The following RNF123 variants were observed in gnomAD, a reference collection of about 807,000 sequenced individuals.
The protein encoded by RNF123 is E3 ubiquitin-protein ligase RNF123.
Under a neutral mutation model 168.5 loss-of-function variants are expected in RNF123, and 86 were observed. That is an observed-to-expected ratio of 0.51 (90% CI 0.43 to 0.61). RNF123 has a LOEUF of 0.61. Among genes scored for constraint, RNF123 ranks in the 20% least tolerant of loss-of-function variants. The probability of loss-of-function intolerance (pLI) is 0.00; values close to 1 mark genes in which losing one functional copy is unlikely to be tolerated. For missense variants in RNF123, 1,419 were observed against 1,729.7 expected (o/e 0.82, Z 3.19); for synonymous variants, 666 against 689.1 (o/e 0.97, Z 0.52).
At chr3:49,691,377 G>A in intron 2 of RNF123, 48 bp from the exon 3 acceptor site, 7 of 1,607,470 alleles carry the variant, frequency 4.4e-6, no homozygotes, top group Non-Finnish European at 6.0e-6. Context: ...GGGGCCAGGA[G>A]CTGCACTGAT....
intron 35 of RNF123, chr3:49,716,691 G>C: frequency 1.9e-6 from 1 of 518,670 alleles, no homozygotes; most frequent in South Asian, 2.2e-5. Flanking sequence ...CAGCAGGACA[G>C]GTGGCCCTGG....
At position 49,716,154 on chromosome 3, in the gene RNF123, G is replaced by C; in HGVS notation, c.3392G>C (p.Arg1131Pro). 6.2e-7 allele frequency: 1 copy of C among 1,613,664 alleles called. No individual in the cohort carries two copies. Among genetic ancestry groups the C allele is most frequent in the Non-Finnish European group, 8.5e-7 (1 of 1,179,908 alleles). ...ACAGCTGAGAGGAACCTGTTTGATC[G>C]TGTGGTCACCCTACGGCTGCCTGGT... Reference protein sequence around the residue: ...RVTAERNLFDRVVTLRLPGLE... With the variant: ...RVTAERNLFDPVVTLRLPGLE... The change falls in exon 34 of 39, where the codon CGT becomes CCT. Residue 1131 changes from arginine to proline, a missense_variant. By Grantham distance (103) the Arg-to-Pro change is moderately radical. This residue lies in a region of RNF123 where 538 missense variants were observed against 708.8 expected (regional missense o/e 0.76). Coordinates refer to ENST00000327697, the MANE Select transcript of RNF123 (RefSeq NM_022064.5).
intron 1 of RNF123, among the ~76,000 whole-genome samples, chr3:49,690,582 G>A (rs2108169985): frequency 6.6e-6 from 1 of 152,366 alleles, no homozygotes; most frequent in East Asian, 1.9e-4. Context: ...AGTGGGAATG[G>A]TGAAACTATC....
intron 21 of RNF123, 70 bp downstream of exon 21, chr3:49,703,598 C>A: frequency 1.5e-6 from 2 of 1,295,854 alleles, no homozygotes; most frequent in Non-Finnish European, 2.2e-6. Context: ...GCCTGCTCTG[C>A]TGTGGATGCT....
At chr3:49,705,909 C>G in intron 24 of RNF123, 73 bp from the exon 25 acceptor site, 1 of 1,543,336 alleles carries the variant, frequency 6.5e-7, no homozygotes, top group Non-Finnish European at 8.9e-7. Flanking sequence ...GGGCTGGGGT[C>G]CAGACTGGGT....
At chr3:49,710,817 G>T (rs540478992) in intron 26 of RNF123, among the ~76,000 whole-genome samples, 1 of 152,290 alleles carries the variant, frequency 6.6e-6, no homozygotes, top group African/African-American at 2.4e-5. Flanking sequence ...TTGGTCTGAG[G>T]GAGGGAGGGA....
At chr3:49,690,234 ATATG>A (rs1315557588) in intron 1 of RNF123, among the ~76,000 whole-genome samples, 1 of 152,240 alleles carries the variant, frequency 6.6e-6, no homozygotes, top group Non-Finnish European at 1.5e-5. Flanking sequence ...ATAGAACTTT[ATATG>A]ATGGTGGGAA....
intron 26 of RNF123, among the ~76,000 whole-genome samples, chr3:49,711,830 C>A (rs1423428599): frequency 6.6e-6 from 1 of 152,128 alleles, no homozygotes; most frequent in East Asian, 1.9e-4. Context: ...TCACACTGCC[C>A]CCTGCTTTCC....
Position 49,719,015 on chromosome 3 carries a change from G to A in RNF123, c.3501-1496G>A, listed in dbSNP as rs947927078. ...AGCGCGCGCAGGCCGTGGAAGGCAT[G>A]CTCGTCCAAGTGCACCAAGCGGTTA... On this transcript the variant is annotated intron_variant, in intron 35 of 38. Transcript: ENST00000327697. 6.2e-7 allele frequency: 1 copy of A among 1,613,882 alleles called. No homozygotes were observed. Among genetic ancestry groups the A allele is most frequent in the African/African-American group, 1.3e-5 (1 of 75,078 alleles).
rs147766469 is a variant in RNF123, at chr3:49,716,084, C to T, written c.3340-18C>T. On this transcript the variant is annotated intron_variant, in intron 33 of 38. Transcript: ENST00000327697. ...ATGACGCTCCCCATCCACCAATGGA[C>T]TCCTGCTCCCCTCACAGCTGCTAAA... The T allele has an allele frequency of 1.8e-3, 2,902 of 1,613,826 alleles. 5 individuals carry two copies. The highest frequency in any genetic ancestry group is 2.2e-3 in the Non-Finnish European group (2,574 of 1,179,972).
At chr3:49,713,080 G>A (rs2080174480) in intron 27 of RNF123, 2 of 605,012 alleles carry the variant, frequency 3.3e-6, no homozygotes, top group South Asian at 2.0e-5. Flanking sequence ...GTCCACATCC[G>A]AACCTGGGCC....
rs1288660516 is a variant in RNF123 at position 49,697,462 on chromosome 3, G to C, written c.342+5G>C. ...GTGGATGATGACCTGCTGGGGGTGAGTGAGGGTGAGGTGTGGAGACCCAGG... is the reference window on the plus strand; with the variant it reads ...GTGGATGATGACCTGCTGGGGGTGACTGAGGGTGAGGTGTGGAGACCCAGG... On this transcript the variant is annotated splice_donor_5th_base_variant and intron_variant, in intron 5 of 38. Coordinates refer to ENST00000327697, the MANE Select transcript of RNF123 (RefSeq NM_022064.5). 2 of 1,593,414 alleles carry C rather than the reference G, an allele frequency of 1.3e-6. No individual in the cohort carries two copies. Among genetic ancestry groups the C allele is most frequent in the Non-Finnish European group, 1.7e-6 (2 of 1,169,570 alleles).
At chr3:49,693,404 T>C (rs948566251) in intron 3 of RNF123, among the ~76,000 whole-genome samples, 2 of 129,980 alleles carry the variant, frequency 1.5e-5, no homozygotes, top group African/African-American at 5.8e-5. Flanking sequence ...TTGCCCAGCC[T>C]GGAGTGCAGT....
At chr3:49,719,121 A>C in intron 35 of RNF123, 1 of 1,613,534 alleles carries the variant, frequency 6.2e-7, no homozygotes, top group Non-Finnish European at 8.5e-7. Context: ...TAGATGATAG[A>C]TCGAGCAGCC....
intron 35 of RNF123, chr3:49,718,314 G>T (rs779549537): frequency 1.9e-6 from 3 of 1,613,208 alleles, no homozygotes; most frequent in Admixed American, 3.3e-5. Flanking sequence ...GTGTGGTGAA[G>T]CCTGTGTTGA....
Position 49,700,246 on chromosome 3 carries a change from A to AG in RNF123, c.1006dup (p.Ala336GlyfsTer80). ...GTGCAGCGCAAGGTGTATCTGGTGG[A>AG]GGCTGTGCTCATGAGCTTCTTGCTG... On this transcript the variant is annotated frameshift_variant, in exon 13 of 39. Coordinates refer to ENST00000327697, the MANE Select transcript of RNF123 (RefSeq NM_022064.5). LOFTEE classifies it high-confidence loss of function. The AG allele has an allele frequency of 6.2e-7, 1 of 1,614,150 alleles. No homozygotes were observed. The highest frequency in any genetic ancestry group is 8.5e-7 in the Non-Finnish European group (1 of 1,180,014).
chr3:49,718,797 G>A, intron 35 of RNF123: 1 of 1,613,182 alleles, frequency 6.2e-7, no homozygotes, highest in Non-Finnish European at 8.5e-7. Context: ...GGCGGCAGTC[G>A]CAAGGCAAAG....
intron 6 of RNF123, 25 bp downstream of exon 6, chr3:49,697,964 T>C (rs2054301572): frequency 6.2e-7 from 1 of 1,613,930 alleles, no homozygotes; most frequent in Non-Finnish European, 8.5e-7. Context: ...TGCTGTGGCC[T>C]AGGTAGTGAG....
chr3:49,721,236 A>G lies in RNF123; in HGVS notation c.3876A>G (p.Lys1292=). 6.2e-7 allele frequency: 1 copy of G among 1,614,178 alleles called. No homozygotes were observed. The highest frequency in any genetic ancestry group is 8.5e-7 in the Non-Finnish European group (1 of 1,180,026). ...ACAACAAGGACTGCTTCTTCTGCAAAACCACCATCGTGTCTGTAGAGGACT... is the reference window on the plus strand; with the variant it reads ...ACAACAAGGACTGCTTCTTCTGCAAGACCACCATCGTGTCTGTAGAGGACT... The part of the protein sequence containing the change: ...LMNNKDCFFC[K]TTIVSVEDWE... The change falls in exon 39 of 39, where the codon AAA becomes AAG. Residue 1292 remains lysine (K), a synonymous_variant. Transcript: ENST00000327697.
Sources: gnomAD v4.1 joint callset for allele counts (sites outside exome capture counted in the v4.1 genomes callset) on GRCh38, gnomAD v4.1.1 for gene constraint, gnomAD v4.1.1 regional missense constraint, MANE v1.5 for transcripts, NCBI Gene and HGNC (gene_info 2026-07-23, HGNC 2026-07-21) for gene names.